DGAT2: variants seen among roughly 807,000 people sequenced by gnomAD.
DGAT2 encodes acyl-CoA retinol O-fatty-acyltransferase.
Under a neutral mutation model 48.4 loss-of-function variants are expected in DGAT2, and 33 were observed. The observed-to-expected ratio is 0.68, with a 90% CI of 0.52 to 0.91. The LOEUF (loss-of-function observed/expected upper bound fraction) is 0.91. DGAT2 is among the 40% of genes least tolerant of loss of function. The pLI, the probability that DGAT2 is intolerant of heterozygous loss-of-function variation, is 0.00. For synonymous variants in DGAT2, 191 were observed against 194.1 expected, an observed-to-expected ratio of 0.98 and a Z score of 0.13; for missense variants, 446 against 493.7, an observed-to-expected ratio of 0.90 and a Z score of 0.92.
chr11:75,780,404 C>T (rs1565314927), intron 1 of DGAT2, among the ~76,000 whole-genome samples: 1 of 152,190 alleles, frequency 6.6e-6, no homozygotes, highest in Non-Finnish European at 1.5e-5. Context: ...GTCCCAAATA[C>T]CCTGACAGGA....
At chr11:75,770,159 A>C (rs1269406715) in intron 1 of DGAT2, among the ~76,000 whole-genome samples, 7 of 152,206 alleles carry the variant, frequency 4.6e-5, no homozygotes, top group Admixed American at 4.6e-4. Context: ...CATGCTGTAG[A>C]TATAGTTATG....
chr11:75,782,239 G>A (rs908033250), intron 1 of DGAT2, among the ~76,000 whole-genome samples: 5 of 152,190 alleles, frequency 3.3e-5, no homozygotes, highest in African/African-American at 1.2e-4. Flanking sequence ...AGCATTTATA[G>A]TGGTGTTTCT....
intron 4 of DGAT2, chr11:75,794,518 G>T (rs767133506): frequency 1.3e-5 from 2 of 152,218 alleles, no homozygotes; most frequent in African/African-American, 4.8e-5. Flanking sequence ...AAAGCAATCA[G>T]ATATGTGGAC....
rs77739644 is a variant in DGAT2, at chr11:75,780,434, C to G, written c.122-4184C>G. ...ACAGGAGTCCTCAGGAGGGTGGGTGCCAGAGATCACAGACTTCACCCTCCT... is the reference window on the plus strand; with the variant it reads ...ACAGGAGTCCTCAGGAGGGTGGGTGGCAGAGATCACAGACTTCACCCTCCT... On this transcript the variant is annotated intron_variant, in intron 1 of 7. Transcript: ENST00000228027. Among the ~76,000 whole-genome samples the G allele has an allele frequency of 5.0e-3, 768 of 152,238 alleles. 3 individuals carry two copies. Among genetic ancestry groups the G allele is most frequent in the South Asian group, 0.018 (87 of 4,818 alleles).
At position 75,797,176 on chromosome 11, in the gene DGAT2, G is replaced by GAC. The variant is rs1945065583; in HGVS notation, c.653_654insAC (p.Asp219ArgfsTer4). ...CCCTCAGGTATCTGCCCTGTCAGCCGGGACACCATAGACTATTTGCTTTCA... is the reference window on the plus strand; with the variant it reads ...CCCTCAGGTATCTGCCCTGTCAGCCGACGGACACCATAGACTATTTGCTTTCA... On this transcript the variant is annotated frameshift_variant, in exon 6 of 8. Transcript: ENST00000228027. LOFTEE classifies it high-confidence loss of function. 1 of 1,500,338 alleles carries GAC rather than the reference G, an allele frequency of 6.7e-7. No individual in the cohort carries two copies. The highest frequency in any genetic ancestry group is 1.4e-5 in the African/African-American group (1 of 70,454). The allele number at this position is 1,500,338 out of a possible 1,614,324, so 92.9% of individuals were successfully genotyped here.
intron 3 of DGAT2, 83 bp downstream of exon 3, chr11:75,790,378 T>G (rs957298644): frequency 8.2e-7 from 1 of 1,217,196 alleles, no homozygotes; most frequent in Non-Finnish European, 1.2e-6. Flanking sequence ...TCATCCTGAG[T>G]GCTGTTTCTT....
chr11:75,775,468 C>T (rs988636527), intron 1 of DGAT2, among the ~76,000 whole-genome samples: 9 of 152,204 alleles, frequency 5.9e-5, no homozygotes, highest in Admixed American at 3.3e-4. Context: ...ACCGTTAAAG[C>T]GAATTGTTAA....
At position 75,768,969 on chromosome 11, in the gene DGAT2, C is replaced by A; in HGVS notation, c.-23C>A. 6.7e-7 allele frequency: 1 copy of A among 1,481,504 alleles called. No individual in the cohort carries two copies. 91.8% of individuals were successfully genotyped at this position (1,481,504 alleles called of 1,614,324 possible). On this transcript the variant is annotated 5_prime_UTR_variant, in exon 1 of 8. Coordinates refer to ENST00000228027, the MANE Select transcript of DGAT2 (RefSeq NM_032564.5). ...CGGGGTGAAGCGGCTTCCCGCGGGG[C>A]CGTGACTGGGCGGGCTTCAGCCATG... is the stretch of plus-strand genomic sequence containing the variant.
chr11:75,800,459 A>G lies in DGAT2; in HGVS notation c.1118A>G (p.His373Arg). The G allele has an allele frequency of 3.1e-6, 5 of 1,614,204 alleles. No individual in the cohort carries two copies. The highest frequency in any genetic ancestry group is 4.2e-6 in the Non-Finnish European group (5 of 1,180,038). ...MEALVKLFDK[H>R]KTKFGLPETE... ...GCCCTGGTGAAGCTCTTCGACAAGC[A>G]CAAGACCAAGTTCGGCCTCCCGGAG... Residue 373 changes from histidine (H) to arginine (R), a missense_variant, in exon 8 of 8, where the codon CAC becomes CGC. Transcript: ENST00000228027.
intron 7 of DGAT2, 129 bp from the exon 8 acceptor site, chr11:75,800,224 CA>C: frequency 8.6e-7 from 1 of 1,167,390 alleles, no homozygotes; most frequent in Admixed American, 2.8e-5. Context: ...AGAGATGCAG[CA>C]CATAAAGCAT....
rs143850439 is a variant in DGAT2 at position 75,797,213 on chromosome 11, T to C, written c.690T>C (p.Ser230=). 11,190 of 1,572,188 alleles carry C rather than the reference T, an allele frequency of 7.1e-3. 55 individuals carry two copies. The highest frequency in any genetic ancestry group is 0.013 in the Middle Eastern group (76 of 5,888). ...TIDYLLSKNG[S]GNAIIIVVGG... ...ACTATTTGCTTTCAAAGAATGGGAG[T>C]GGCAATGCTATCATCATCGTGGTCG... The change falls in exon 6 of 8, where the codon AGT becomes AGC. Residue 230 remains serine, a synonymous_variant. Coordinates refer to ENST00000228027, the MANE Select transcript of DGAT2 (RefSeq NM_032564.5).
chr11:75,800,524 C>T lies in DGAT2; in HGVS notation c.*16C>T, dbSNP rs1945101321. The T allele has an allele frequency of 1.2e-6, 2 of 1,612,532 alleles. No homozygotes were observed. The highest frequency in any genetic ancestry group is 1.7e-5 in the Admixed American group (1 of 59,800). Reference sequence around the variant, plus strand: ...GGTGAACTGAGCCAGCCTTCGGGGCCAATTCCCTGGAGGAACCAGCTGCAA... The same window carrying T: ...GGTGAACTGAGCCAGCCTTCGGGGCTAATTCCCTGGAGGAACCAGCTGCAA... On this transcript the variant is annotated 3_prime_UTR_variant, in exon 8 of 8. Transcript: ENST00000228027.
chr11:75,795,915 CT>C (rs1945046013), intron 4 of DGAT2: 1 of 172,342 alleles, frequency 5.8e-6, no homozygotes, highest in Non-Finnish European at 1.3e-5. Flanking sequence ...GGAACTTGGA[CT>C]TTACTCACAT....
At position 75,778,546 on chromosome 11, in the gene DGAT2, T is replaced by C. The variant is rs571994209; in HGVS notation, c.122-6072T>C. On this transcript the variant is annotated intron_variant, in intron 1 of 7. Coordinates refer to ENST00000228027, the MANE Select transcript of DGAT2 (RefSeq NM_032564.5). ...GTGCCTTAAACGTTTTAAAATTTAA[T>C]GTTCCTGGCTGGGCGTGGTGGCTCA... 5.3e-5 allele frequency among the ~76,000 whole-genome samples: 8 copies of C among 152,116 alleles called. No homozygotes were observed. In the South Asian group the frequency reaches 1.7e-3, roughly 32 times the overall value.
chr11:75,790,487 T>C (rs1944975830), intron 3 of DGAT2, among the ~76,000 whole-genome samples, 174 bp from the exon 4 acceptor site: 1 of 152,122 alleles, frequency 6.6e-6, no homozygotes, highest in African/African-American at 2.4e-5. Flanking sequence ...GAGTTCACAC[T>C]CAGTCGAGGG....
At chr11:75,797,426 AGGAAGGCAT>A in intron 6 of DGAT2, 94 bp downstream of exon 6, 1 of 1,298,506 alleles carries the variant, frequency 7.7e-7, no homozygotes, top group Non-Finnish European at 9.9e-7. Context: ...CCCAGACCCC[AGGAAGGCAT>A]GGAAGGGAGT....
At position 75,796,449 on chromosome 11, in the gene DGAT2, A is replaced by G. The variant is rs1449714867; in HGVS notation, c.551A>G (p.Lys184Arg). 1 of 1,614,092 alleles carries G rather than the reference A, an allele frequency of 6.2e-7. No individual in the cohort carries two copies. The highest frequency in any genetic ancestry group is 1.1e-5 in the South Asian group (1 of 91,080). Reference protein sequence around the residue: ...FSTEATEVSKKFPGIRPYLAT... With the variant: ...FSTEATEVSKRFPGIRPYLAT... Reference sequence around the variant, plus strand: ...ACAGAGGCCACAGAAGTGAGCAAGAAGTTCCCAGGCATACGGCCTTACCTG... The same window carrying G: ...ACAGAGGCCACAGAAGTGAGCAAGAGGTTCCCAGGCATACGGCCTTACCTG... Residue 184 changes from lysine to arginine, a missense_variant, in exon 5 of 8, where the codon AAG becomes AGG. Lys to Arg is a conservative substitution (Grantham distance 26). Transcript: ENST00000228027.
intron 7 of DGAT2, among the ~76,000 whole-genome samples, 161 bp downstream of exon 7, chr11:75,798,590 G>T (rs1380796944): frequency 6.7e-6 from 1 of 149,716 alleles, no homozygotes; most frequent in African/African-American, 2.5e-5. Flanking sequence ...TGGTCAGGAG[G>T]GGTAGTAGTA....
intron 4 of DGAT2, among the ~76,000 whole-genome samples, chr11:75,791,413 C>T (rs576299806): frequency 2.0e-5 from 3 of 152,316 alleles, no homozygotes; most frequent in Admixed American, 6.5e-5. Flanking sequence ...TCAGGGTCAG[C>T]GTTCCTTCTC....
Sources: gnomAD v4.1 joint callset for allele counts (sites outside exome capture counted in the v4.1 genomes callset) on GRCh38, gnomAD v4.1.1 for gene constraint, MANE v1.5 for transcripts, NCBI Gene and HGNC (gene_info 2026-07-23, HGNC 2026-07-21) for gene names.